Variants in TAFA1 observed in about 807,000 individuals in gnomAD.
TAFA1 encodes the protein TAFA chemokine like family member 1.
A neutral mutation model predicts 18.5 loss-of-function variants in TAFA1; 4 were observed. The observed-to-expected ratio is 0.22, with a 90% confidence interval of 0.11 to 0.49. The LOEUF is 0.49. TAFA1 is among the 20% of genes least tolerant of loss of function. The pLI is 0.98. For synonymous variants in TAFA1, 56 were observed against 55.2 expected, an observed-to-expected ratio of 1.01 and a Z score of -0.06; for missense variants, 147 against 169.0, an observed-to-expected ratio of 0.87 and a Z score of 0.72.
chr3:67,999,269 C>CG (rs1188543069), upstream of TAFA1, among the ~76,000 whole-genome samples: 1 of 7,640 alleles, frequency 1.3e-4, no homozygotes. Flanking sequence ...TCTCTCTATC[C>CG]CCCCCCCCCC....
At chr3:68,035,829 G>A (rs1474340750) in intron 2 of TAFA1, among the ~76,000 whole-genome samples, 1 of 152,172 alleles carries the variant, frequency 6.6e-6, no homozygotes, top group East Asian at 1.9e-4. Flanking sequence ...GCCACGCAAT[G>A]TAATGGCAAT....
chr3:68,055,553 G>T (rs188977618), intron 2 of TAFA1, among the ~76,000 whole-genome samples: 7 of 152,124 alleles, frequency 4.6e-5, no homozygotes, highest in Non-Finnish European at 8.8e-5. Context: ...CCTTACTCAA[G>T]CCATATTAGA....
intron 2 of TAFA1, among the ~76,000 whole-genome samples, chr3:68,168,183 A>G (rs1006950304): frequency 1.4e-5 from 2 of 144,398 alleles, no homozygotes; most frequent in African/African-American, 5.0e-5. Context: ...TGTTTTGCTC[A>G]ACAGCAAATC....
chr3:68,294,659 C>A (rs556473872), intron 2 of TAFA1, among the ~76,000 whole-genome samples: 50 of 152,120 alleles, frequency 3.3e-4, no homozygotes, highest in African/African-American at 1.0e-3. Flanking sequence ...CTGAGATGGG[C>A]AAATGACTTG....
intron 2 of TAFA1, among the ~76,000 whole-genome samples, chr3:68,076,168 T>C (rs1330890815): frequency 6.6e-6 from 1 of 152,162 alleles, no homozygotes; most frequent in Non-Finnish European, 1.5e-5. Flanking sequence ...GAACCCAGTG[T>C]TTTTACTTGT....
At chr3:68,131,078 T>C (rs1490397173) in intron 2 of TAFA1, among the ~76,000 whole-genome samples, 1 of 152,206 alleles carries the variant, frequency 6.6e-6, no homozygotes. Context: ...TCTTATTAAA[T>C]ATTTTAGGAA....
At chr3:68,443,382 G>A (rs1369341287) in intron 3 of TAFA1, among the ~76,000 whole-genome samples, 1 of 147,914 alleles carries the variant, frequency 6.8e-6, no homozygotes, top group Non-Finnish European at 1.5e-5. Context: ...CACAGTCTAG[G>A]ATCTCCAGGT....
intron 2 of TAFA1, among the ~76,000 whole-genome samples, chr3:68,254,860 C>T (rs1409729105): frequency 1.3e-5 from 2 of 152,024 alleles, no homozygotes; most frequent in Non-Finnish European, 2.9e-5. Flanking sequence ...TTAATCCTGC[C>T]AGCAGTAAGC....
intron 3 of TAFA1, among the ~76,000 whole-genome samples, chr3:68,461,360 C>CATATAT (rs5849840): frequency 0.054 from 5,730 of 106,456 alleles, 319 homozygotes; most frequent in African/African-American, 0.1. Flanking sequence ...AATGAAAGTG[C>CATATAT]ATATATATAT....
intron 2 of TAFA1, among the ~76,000 whole-genome samples, chr3:68,096,357 C>G (rs1016074296): frequency 6.6e-6 from 1 of 152,042 alleles, no homozygotes; most frequent in Non-Finnish European, 1.5e-5. Context: ...TATTCCATAT[C>G]TTTGCCATCC....
intron 2 of TAFA1, among the ~76,000 whole-genome samples, chr3:68,119,462 T>C (rs1032359984): frequency 6.6e-6 from 1 of 152,204 alleles, no homozygotes; most frequent in Non-Finnish European, 1.5e-5. Context: ...ATTGCTAAAA[T>C]CCAATGTCAA....
chr3:68,475,214 T>G (rs1450817794), intron 3 of TAFA1, among the ~76,000 whole-genome samples: 1 of 152,024 alleles, frequency 6.6e-6, no homozygotes, highest in Non-Finnish European at 1.5e-5. Flanking sequence ...AATGTGCAGG[T>G]TTGTTACATA....
chr3:68,244,225 C>T (rs1194545004), intron 2 of TAFA1, among the ~76,000 whole-genome samples: 1 of 152,156 alleles, frequency 6.6e-6, no homozygotes, highest in Non-Finnish European at 1.5e-5. Flanking sequence ...TTTTCATCCC[C>T]TTCATGGGGT....
In TAFA1 at chr3:68,031,717, T is replaced by TA. The variant is rs539970762; in HGVS notation, c.118+24979dup. ...AACAAGCAAGTTTAAAAATTTTGTTTAAAAAATTTTAGGCTTCATTGTGTG... is the reference window on the plus strand; with the variant it reads ...AACAAGCAAGTTTAAAAATTTTGTTTAAAAAAATTTTAGGCTTCATTGTGTG... On this transcript the variant is annotated intron_variant, in intron 2 of 4. Transcript: ENST00000478136. 8.6e-4 allele frequency among the ~76,000 whole-genome samples: 131 copies of TA among 152,296 alleles called. 3 individuals are homozygous for TA. In the East Asian group the frequency reaches 0.023, roughly 26 times the overall value.
chr3:68,329,932 AC>A (rs1450284087), intron 2 of TAFA1, among the ~76,000 whole-genome samples: 1 of 152,232 alleles, frequency 6.6e-6, no homozygotes, highest in Non-Finnish European at 1.5e-5. Context: ...GTTAAAAATG[AC>A]CAAACCCCAA....
intron 3 of TAFA1, among the ~76,000 whole-genome samples, chr3:68,430,779 G>T (rs905451175): frequency 1.3e-5 from 2 of 151,816 alleles, no homozygotes; most frequent in African/African-American, 4.8e-5. Flanking sequence ...ACTCCCAACC[G>T]CTCACACTGC....
the TAFA1 span, among the ~76,000 whole-genome samples, chr3:67,994,114 C>T: frequency 6.6e-6 from 1 of 152,068 alleles, no homozygotes; most frequent in African/African-American, 2.4e-5. Context: ...TTGGGTGTGT[C>T]TGTTGAGAGA....
At chr3:68,310,776 A>C (rs937072925) in intron 2 of TAFA1, among the ~76,000 whole-genome samples, 2 of 152,208 alleles carry the variant, frequency 1.3e-5, no homozygotes, top group Non-Finnish European at 2.9e-5. Flanking sequence ...GGAGAAGCCA[A>C]TGTTAATGCT....
rs1052754668 is a variant in TAFA1, at chr3:68,145,703, G to T, written c.118+138959G>T. ...TGACAAATATAGAAATGTAAAGTTT[G>T]TATTTTCAATTTATTGGATGGCTTA... On this transcript the variant is annotated intron_variant, in intron 2 of 4. Coordinates refer to ENST00000478136, the MANE Select transcript of TAFA1 (RefSeq NM_213609.4). 1.4e-5 allele frequency: 11 copies of T among 798,790 alleles called. No homozygotes were observed. In the African/African-American group the frequency reaches 1.7e-4, roughly 13 times the overall value. The allele number at this position is 798,790 out of a possible 1,614,324, so 49.5% of individuals were successfully genotyped here.
Sources: allele counts gnomAD v4.1 joint callset (sites outside exome capture counted in the v4.1 genomes callset), GRCh38; gene constraint gnomAD v4.1.1; transcripts MANE v1.5; gene names NCBI Gene and HGNC (gene_info 2026-07-23, HGNC 2026-07-21).